The following SNX29 variants were observed in gnomAD, a reference collection of about 807,000 sequenced individuals.
The protein encoded by SNX29 is sorting nexin 29, also known as sorting nexin-29.
SNX29 carries 78 observed loss-of-function variants against 102.1 expected under a neutral mutation model. The ratio of observed to expected loss-of-function variants is 0.76; its 90% confidence interval spans 0.64 to 0.92. The LOEUF is 0.92. Among genes scored for constraint, SNX29 ranks in the 40% least tolerant of loss-of-function variants. The pLI is 0.00. For synonymous variants in SNX29, 580 were observed against 414.5 expected (o/e 1.40, Z -4.85); for missense variants, 1,280 against 1,061.7 (o/e 1.21, Z -2.86).
Position 12,213,432 on chromosome 16 carries a change from C to G in SNX29, c.1678+13749C>G, listed in dbSNP as rs745547789. Among the ~76,000 whole-genome samples the G allele has an allele frequency of 1.4e-3, 209 of 152,230 alleles. 1 individual carries two copies. The highest frequency in any genetic ancestry group is 2.6e-3 in the Non-Finnish European group (179 of 68,012). On this transcript the variant is annotated intron_variant, in intron 14 of 20. Transcript: ENST00000566228. ...GCCCAGACTTTGCCGCTACACAGTT[C>G]ATTCAAGTCACCAAAAGCCATTTAT...
intron 20 of SNX29, among the ~76,000 whole-genome samples, chr16:12,566,800 CAG>C (rs749713617): frequency 1.2e-4 from 18 of 152,222 alleles, no homozygotes; most frequent in Admixed American, 2.0e-4. Flanking sequence ...TGGTTGGGCT[CAG>C]AGATGATTCA....
chr16:12,476,183 G>T (rs1305408017), intron 18 of SNX29, among the ~76,000 whole-genome samples: 4 of 149,516 alleles, frequency 2.7e-5, no homozygotes, highest in Non-Finnish European at 5.9e-5. Flanking sequence ...TTAGCCAGGT[G>T]TGGTGGTGGG....
chr16:12,368,395 A>G lies in SNX29; in HGVS notation c.1899+12116A>G, dbSNP rs76745619. Among the ~76,000 whole-genome samples the G allele has an allele frequency of 3.4e-3, 515 of 152,378 alleles. 5 individuals carry two copies. The highest frequency in any genetic ancestry group is 0.012 in the African/African-American group (483 of 41,588). On this transcript the variant is annotated intron_variant, in intron 16 of 20. Transcript: ENST00000566228. The stretch of plus-strand genomic sequence containing the variant: ...TCAAGATTTAGAAACTTGGTACTCT[A>G]TAATGACTTCAGCTGTGAGTCAAGA...
chr16:12,377,100 C>G (rs1314858409), intron 16 of SNX29, among the ~76,000 whole-genome samples: 1 of 152,176 alleles, frequency 6.6e-6, no homozygotes, highest in Non-Finnish European at 1.5e-5. Flanking sequence ...GCCAGACTTT[C>G]TGTGTTCTCC....
chr16:12,231,105 G>A (rs549526202), intron 14 of SNX29, among the ~76,000 whole-genome samples: 40 of 152,144 alleles, frequency 2.6e-4, no homozygotes, highest in African/African-American at 8.9e-4. Flanking sequence ...CTCCCACCTC[G>A]GCCTCCCAAA....
At chr16:12,458,391 A>G (rs932790898) in intron 18 of SNX29, among the ~76,000 whole-genome samples, 6 of 152,172 alleles carry the variant, frequency 3.9e-5, no homozygotes, top group Admixed American at 3.9e-4. Flanking sequence ...CTGGTTGCAG[A>G]GGAGGAAGAA....
intron 1 of SNX29, among the ~76,000 whole-genome samples, chr16:11,987,521 C>T (rs119090): frequency 0.76 from 114,657 of 151,572 alleles, 44,387 homozygotes; most frequent in Non-Finnish European, 0.84. Context: ...CTTAGACTCC[C>T]GAGTAGCTGG....
intron 20 of SNX29, among the ~76,000 whole-genome samples, chr16:12,552,095 C>G (rs76309892): frequency 6.6e-6 from 1 of 152,204 alleles, no homozygotes; most frequent in Admixed American, 6.5e-5. Context: ...CTGTGCTATC[C>G]TCAGTGAGTG....
At chr16:12,553,502 C>G (rs1597971675) in intron 20 of SNX29, among the ~76,000 whole-genome samples, 1 of 151,612 alleles carries the variant, frequency 6.6e-6, no homozygotes. Flanking sequence ...GGCAGGTGCA[C>G]ACTTGCCATC....
At chr16:12,205,436 C>T (rs1259995320) in intron 14 of SNX29, among the ~76,000 whole-genome samples, 1 of 152,224 alleles carries the variant, frequency 6.6e-6, no homozygotes, top group Non-Finnish European at 1.5e-5. Context: ...TGATGGCCTT[C>T]AGTGCTTGTG....
chr16:12,092,080 C>T (rs1303686981), intron 11 of SNX29, among the ~76,000 whole-genome samples: 1 of 152,180 alleles, frequency 6.6e-6, no homozygotes, highest in Non-Finnish European at 1.5e-5. Context: ...CAATCTCATC[C>T]CATCCCCCCA....
intron 13 of SNX29, among the ~76,000 whole-genome samples, chr16:12,168,668 C>T (rs941699119): frequency 1.3e-5 from 2 of 152,204 alleles, no homozygotes. Flanking sequence ...TTTGCTTCAT[C>T]TCTCATCACA....
chr16:12,137,320 T>G lies in SNX29; in HGVS notation c.1595+7562T>G, dbSNP rs28631271. 4.3e-3 allele frequency among the ~76,000 whole-genome samples: 648 copies of G among 152,340 alleles called. 8 individuals are homozygous for G. The highest frequency in any genetic ancestry group is 0.015 in the African/African-American group (611 of 41,588). On this transcript the variant is annotated intron_variant, in intron 13 of 20. Transcript: ENST00000566228. ...ATGCTGAGGCGAGGCCAGAATCTCT[T>G]GGGCCCTTTCCTTGTCCAAGCCTCC...
intron 20 of SNX29, among the ~76,000 whole-genome samples, chr16:12,555,820 G>A (rs2078304629): frequency 6.6e-6 from 1 of 152,154 alleles, no homozygotes; most frequent in African/African-American, 2.4e-5. Flanking sequence ...CAAGAAAGGT[G>A]CTCCAGCTGA....
At chr16:12,053,736 G>T (rs1426387121) in intron 8 of SNX29, among the ~76,000 whole-genome samples, 1 of 151,348 alleles carries the variant, frequency 6.6e-6, no homozygotes, top group Non-Finnish European at 1.5e-5. Context: ...CATCTGCATG[G>T]ATGCTTGTAC....
chr16:12,222,742 T>C (rs1057194807), intron 14 of SNX29, among the ~76,000 whole-genome samples: 1 of 152,314 alleles, frequency 6.6e-6, no homozygotes, highest in Non-Finnish European at 1.5e-5. Flanking sequence ...CTAATTTTTG[T>C]ATTTTTAGTA....
At chr16:12,479,264 G>A (rs1179978604) in intron 19 of SNX29, among the ~76,000 whole-genome samples, 5 of 152,192 alleles carry the variant, frequency 3.3e-5, no homozygotes, top group Non-Finnish European at 7.3e-5. Flanking sequence ...TGCCATATGG[G>A]GCGAATCCCT....
intron 15 of SNX29, among the ~76,000 whole-genome samples, chr16:12,335,286 A>G (rs970846331): frequency 6.6e-6 from 1 of 152,038 alleles, no homozygotes; most frequent in African/African-American, 2.4e-5. Context: ...AGATTCTTTA[A>G]TTTTACTTGA....
intron 10 of SNX29, among the ~76,000 whole-genome samples, chr16:12,074,870 A>T (rs2051474691): frequency 6.6e-6 from 1 of 152,148 alleles, no homozygotes; most frequent in South Asian, 2.1e-4. Context: ...GTTTCTTTTT[A>T]TTCTTTTTTC....
Sources: allele counts gnomAD v4.1 joint callset (sites outside exome capture counted in the v4.1 genomes callset), GRCh38; gene constraint gnomAD v4.1.1; transcripts MANE v1.5; gene names NCBI Gene and HGNC (gene_info 2026-07-23, HGNC 2026-07-21).